GNAS-AS1: variants seen among roughly 807,000 people sequenced by gnomAD.
The protein encoded by GNAS-AS1 is GNAS antisense RNA 1, also known as GNAS antisense RNA 1 (non-protein coding).
chr20:58,841,786 G>A lies in GNAS-AS1; in HGVS notation n.819+151C>T, dbSNP rs1283635285. ...CCAAGCTTTTGGCGCAGCTGGTCGG[G>A]TGGCCAGGCTGCATGCGGCTTAGCA... is the stretch of plus-strand genomic sequence containing the variant. On this transcript the variant is annotated intron_variant and non_coding_transcript_variant, in intron 4 of 4. Coordinates refer to ENST00000424094, the Ensembl canonical transcript of GNAS-AS1. The surrounding 1 kb of genome is among the most constrained non-coding windows in gnomAD (Gnocchi z 5.0). 3 of 1,230,530 alleles carry A rather than the reference G, an allele frequency of 2.4e-6. No homozygotes were observed. The highest frequency in any genetic ancestry group is 3.2e-5 in the East Asian group (1 of 31,692). The allele number at this position is 1,230,530 out of a possible 1,614,324, so 76.2% of individuals were successfully genotyped here. A position where few individuals can be genotyped will look rare whatever the true frequency, so the allele number is the denominator to read the frequency against.
At chr20:58,845,182 T>C (rs1221512375) in intron 2 of GNAS-AS1, among the ~76,000 whole-genome samples, 1 of 152,198 alleles carries the variant, frequency 6.6e-6, no homozygotes, top group African/African-American at 2.4e-5. Flanking sequence ...GGCAGACTGA[T>C]GGGAACATTG....
chr20:58,845,614 A>G (rs926910832), intron 2 of GNAS-AS1, among the ~76,000 whole-genome samples: 1 of 150,156 alleles, frequency 6.7e-6, no homozygotes, highest in African/African-American at 2.4e-5. Flanking sequence ...TTTCTTACAT[A>G]TCAAAAGGCC....
exon 1 of GNAS-AS1, chr20:58,850,855 C>A: frequency 2.5e-6 from 1 of 398,874 alleles, no homozygotes; most frequent in Non-Finnish European, 4.4e-6. Context: ...CACCGGCTTC[C>A]AACCACCCCA....
intron 4 of GNAS-AS1, chr20:58,839,036 C>T (rs926018310): frequency 4.5e-5 from 18 of 398,014 alleles, no homozygotes; most frequent in Non-Finnish European, 7.5e-5. Flanking sequence ...GAACTGAGAG[C>T]GCAGGAAAGA....
In GNAS-AS1 at chr20:58,841,741, A is replaced by G. The variant is rs1420788732; in HGVS notation, n.819+196T>C. 1 of 1,226,922 alleles carries G rather than the reference A, an allele frequency of 8.2e-7. No individual in the cohort carries two copies. The highest frequency in any genetic ancestry group is 1.0e-6 in the Non-Finnish European group (1 of 985,256). 76.0% of individuals were successfully genotyped at this position (1,226,922 alleles called of 1,614,324 possible). On this transcript the variant is annotated intron_variant and non_coding_transcript_variant, in intron 4 of 4. Transcript: ENST00000424094. The surrounding 1 kb of genome is among the most constrained non-coding windows in gnomAD (Gnocchi z 5.0). ...GGCTACCAGGGTTGAACGCACAGGCATGGTCACGTCGGGGTATTGCCAAGC... is the reference window on the plus strand; with the variant it reads ...GGCTACCAGGGTTGAACGCACAGGCGTGGTCACGTCGGGGTATTGCCAAGC...
chr20:58,823,150 C>T (rs183164897), intron 4 of GNAS-AS1, among the ~76,000 whole-genome samples: 13 of 152,342 alleles, frequency 8.5e-5, no homozygotes, highest in Admixed American at 5.2e-4. Context: ...CCTGCCCCTC[C>T]ATCCTGCTGC....
exon 1 of GNAS-AS1, chr20:58,850,679 A>G: frequency 2.5e-6 from 1 of 398,898 alleles, no homozygotes; most frequent in Non-Finnish European, 4.4e-6. Flanking sequence ...CGGCAGTGGC[A>G]CCCCGTTGGC....
At chr20:58,839,367 C>G (rs565865183) in intron 4 of GNAS-AS1, 2 of 399,496 alleles carry the variant, frequency 5.0e-6, no homozygotes, top group East Asian at 7.1e-5. Flanking sequence ...ATAGACAGAC[C>G]CTCATTCCCC....
intron 4 of GNAS-AS1, chr20:58,824,184 T>C (rs1259452405): frequency 7.5e-6 from 3 of 397,770 alleles, no homozygotes; most frequent in Non-Finnish European, 1.3e-5. Flanking sequence ...CTATGATTTC[T>C]GGGATTTGCT....
At chr20:58,847,038 G>C (rs1281843922) in intron 2 of GNAS-AS1, among the ~76,000 whole-genome samples, 1 of 152,150 alleles carries the variant, frequency 6.6e-6, no homozygotes, top group Non-Finnish European at 1.5e-5. Context: ...AGCTAGTCTG[G>C]AGAAGGAATC....
At chr20:58,823,602 C>A (rs1034562746) in intron 4 of GNAS-AS1, among the ~76,000 whole-genome samples, 3 of 152,260 alleles carry the variant, frequency 2.0e-5, no homozygotes, top group Non-Finnish European at 4.4e-5. Context: ...CAGCAGCTGG[C>A]CGGGGCCAGG....
rs191578642 is a variant in GNAS-AS1, at chr20:58,829,707, G to A, written n.820-10452C>T. Among the ~76,000 whole-genome samples the A allele has an allele frequency of 4.2e-3, 634 of 152,270 alleles. 19 individuals are homozygous for A. Among genetic ancestry groups the A allele is most frequent in the Admixed American group, 0.037 (564 of 15,296 alleles). On this transcript the variant is annotated intron_variant and non_coding_transcript_variant, in intron 4 of 4. Transcript: ENST00000424094. ...TTCAGTTCTCAGCTCAAGTGTGCAC[G>A]TATCACTTTTTCAGTAAAGTATTCC...
Position 58,841,799 on chromosome 20 carries a change from A to C in GNAS-AS1, n.819+138T>G. 5.7e-6 allele frequency: 7 copies of C among 1,230,800 alleles called. No individual in the cohort carries two copies. The highest frequency in any genetic ancestry group is 7.1e-6 in the Non-Finnish European group (7 of 987,892). 76.2% of individuals were successfully genotyped at this position (1,230,800 alleles called of 1,614,324 possible). A position where few individuals can be genotyped will look rare whatever the true frequency, so the allele number is the denominator to read the frequency against. On this transcript the variant is annotated intron_variant and non_coding_transcript_variant, in intron 4 of 4. Transcript: ENST00000424094. This position sits in a 1 kb window ranked among gnomAD's most constrained non-coding sequence, Gnocchi z 5.0. Reference sequence around the variant, plus strand: ...GCAGCTGGTCGGGTGGCCAGGCTGCATGCGGCTTAGCAGGAGACGTCCTGG... The same window carrying C: ...GCAGCTGGTCGGGTGGCCAGGCTGCCTGCGGCTTAGCAGGAGACGTCCTGG...
At chr20:58,831,718 T>C (rs976412104) in intron 4 of GNAS-AS1, among the ~76,000 whole-genome samples, 6 of 152,352 alleles carry the variant, frequency 3.9e-5, no homozygotes, top group Non-Finnish European at 7.3e-5. Flanking sequence ...CATTCATTCA[T>C]TCATTTATTA....
chr20:58,823,990 A>G (rs1007883613), intron 4 of GNAS-AS1: 2 of 398,580 alleles, frequency 5.0e-6, no homozygotes, highest in Non-Finnish European at 8.8e-6. Context: ...GCAGCGAGGA[A>G]ATCCCCCACA....
At chr20:58,832,188 C>T (rs975304165) in intron 4 of GNAS-AS1, among the ~76,000 whole-genome samples, 2 of 151,918 alleles carry the variant, frequency 1.3e-5, no homozygotes, top group Admixed American at 1.3e-4. Flanking sequence ...AAAAAGAGTG[C>T]CCACTCACAA....
At chr20:58,822,031 G>A (rs1253110565) in intron 4 of GNAS-AS1, among the ~76,000 whole-genome samples, 2 of 152,174 alleles carry the variant, frequency 1.3e-5, no homozygotes, top group Non-Finnish European at 2.9e-5. Context: ...ATGCACAGAC[G>A]TTAAGTGGCT....
chr20:58,840,590 C>A lies in GNAS-AS1; in HGVS notation n.819+1347G>T, dbSNP rs764901812. The stretch of plus-strand genomic sequence containing the variant: ...CACCTTCGGCCAGTCCCTCACCCAG[C>A]GTCTGCACGCTCTCAAGTTGCGAAG... On this transcript the variant is annotated intron_variant and non_coding_transcript_variant, in intron 4 of 4. Transcript: ENST00000424094. The surrounding 1 kb of genome is among the most constrained non-coding windows in gnomAD (Gnocchi z 6.0). The A allele has an allele frequency of 5.0e-6, 8 of 1,611,020 alleles. No individual in the cohort carries two copies. The South Asian group carries it at 7.7e-5, about 15-fold the overall frequency.
intron 4 of GNAS-AS1, among the ~76,000 whole-genome samples, chr20:58,828,730 T>C (rs532831266): frequency 1.5e-4 from 23 of 152,258 alleles, no homozygotes; most frequent in Non-Finnish European, 2.8e-4. Flanking sequence ...AACATCTTTC[T>C]ACCTGTCTGA....
Sources: allele counts gnomAD v4.1 joint callset (sites outside exome capture counted in the v4.1 genomes callset), GRCh38; gene constraint gnomAD v4.1.1; non-coding constraint Gnocchi (gnomAD v3.1); transcripts MANE v1.5; gene names NCBI Gene and HGNC (gene_info 2026-07-23, HGNC 2026-07-21).